The following GRIK3 variants were observed in gnomAD, a reference collection of about 807,000 sequenced individuals.
The protein encoded by GRIK3 is glutamate ionotropic receptor kainate type subunit 3.
GRIK3 carries 29 observed loss-of-function variants against 102.5 expected under a neutral mutation model. The observed-to-expected ratio is 0.28, with a 90% CI of 0.21 to 0.39. GRIK3 has a LOEUF of 0.39. Among genes scored for constraint, GRIK3 ranks in the 10% least tolerant of loss-of-function variants. The probability of loss-of-function intolerance (pLI) is 1.00; values close to 1 mark genes in which losing one functional copy is unlikely to be tolerated. For missense variants in GRIK3, 908 were observed against 1,252.4 expected (o/e 0.73, Z 4.15); for synonymous variants, 511 against 504.9 (o/e 1.01, Z -0.16).
rs554593181 is a variant in GRIK3 at position 37,034,338 on chromosome 1, G to C, written c.-230C>G. Among the ~76,000 whole-genome samples, 820 of 150,190 alleles carry C rather than the reference G, an allele frequency of 5.5e-3. 6 individuals carry two copies. Among genetic ancestry groups the C allele is most frequent in the African/African-American group, 0.018 (738 of 41,204 alleles). ...TGCCGCCCACGGGCTGCCCGCGAGC[G>C]AGGCTCCTGGGCTCCGCCCGGACTC... On this transcript the variant is annotated 5_prime_UTR_variant, in exon 1 of 16. Transcript: ENST00000373091.
chr1:36,876,538 C>T (rs149267438), intron 3 of GRIK3, among the ~76,000 whole-genome samples: 19 of 152,304 alleles, frequency 1.2e-4, no homozygotes, highest in African/African-American at 4.3e-4. Context: ...AGGAAAGGCC[C>T]ATCTCCAGAA....
chr1:36,886,748 G>A (rs992926543), intron 2 of GRIK3, among the ~76,000 whole-genome samples: 8 of 152,200 alleles, frequency 5.3e-5, no homozygotes, highest in African/African-American at 1.9e-4. Flanking sequence ...ATGCACTCAT[G>A]TATGCTACAC....
intron 15 of GRIK3, chr1:36,804,729 C>T: frequency 1.8e-6 from 1 of 551,620 alleles, no homozygotes; most frequent in Non-Finnish European, 3.2e-6. Context: ...AGCATGGAGG[C>T]TGGAGGGCCA....
intron 1 of GRIK3, among the ~76,000 whole-genome samples, chr1:37,012,784 G>A (rs1052121537): frequency 6.6e-6 from 1 of 152,210 alleles, no homozygotes; most frequent in African/African-American, 2.4e-5. Context: ...ATGTGACCTT[G>A]CTGAGCCTCA....
chr1:36,908,530 C>T (rs996803177), intron 1 of GRIK3, among the ~76,000 whole-genome samples: 2 of 152,184 alleles, frequency 1.3e-5, no homozygotes, highest in African/African-American at 4.8e-5. Context: ...TTCCCTGCCC[C>T]GCTGGAGGCT....
At chr1:37,017,120 G>A (rs142424625) in intron 1 of GRIK3, among the ~76,000 whole-genome samples, 2 of 151,872 alleles carry the variant, frequency 1.3e-5, no homozygotes, top group Admixed American at 6.6e-5. Context: ...GACAGCTGAG[G>A]GGGGAGGATC....
intron 2 of GRIK3, among the ~76,000 whole-genome samples, chr1:36,890,498 G>C (rs1211033753): frequency 1.3e-5 from 2 of 151,778 alleles, no homozygotes; most frequent in Non-Finnish European, 2.9e-5. Context: ...AACTGCTCTC[G>C]ATATCAGGGA....
intron 1 of GRIK3, among the ~76,000 whole-genome samples, chr1:36,933,797 T>A (rs1190283414): frequency 6.6e-6 from 1 of 152,188 alleles, no homozygotes; most frequent in Non-Finnish European, 1.5e-5. Context: ...ATGTCCCTTC[T>A]CTATTTCTTC....
At position 36,800,598 on chromosome 1, in the gene GRIK3, G is replaced by C. The variant is rs1642429768; in HGVS notation, c.*1253C>G. The C allele has an allele frequency of 1.3e-5, 2 of 152,230 alleles. No individual in the cohort carries two copies. The highest frequency in any genetic ancestry group is 4.8e-5 in the African/African-American group (2 of 41,448). 9.4% of individuals were successfully genotyped at this position (152,230 alleles called of 1,614,324 possible). A position where few individuals can be genotyped will look rare whatever the true frequency, so the allele number is the denominator to read the frequency against. On this transcript the variant is annotated 3_prime_UTR_variant, in exon 16 of 16. Coordinates refer to ENST00000373091, the MANE Select transcript of GRIK3 (RefSeq NM_000831.4). ...TCTTTGGTTAATTCTCCAGGAGGCA[G>C]CTTCTTCCTCCCCACCCTTGGGGCC...
chr1:36,816,722 G>A (rs1274664829), intron 13 of GRIK3, among the ~76,000 whole-genome samples: 1 of 152,182 alleles, frequency 6.6e-6, no homozygotes, highest in Non-Finnish European at 1.5e-5. Context: ...GAAGCCCCTA[G>A]GGCCTGTGTG....
intron 1 of GRIK3, among the ~76,000 whole-genome samples, chr1:37,001,604 T>C (rs1021260189): frequency 2.6e-5 from 4 of 151,904 alleles, no homozygotes; most frequent in Non-Finnish European, 2.9e-5. Context: ...TGAGTTACTG[T>C]CTTAAAGAAA....
At position 36,870,226 on chromosome 1, in the gene GRIK3, C is replaced by T. The variant is rs552452798; in HGVS notation, c.733-425G>A. 7.9e-5 allele frequency among the ~76,000 whole-genome samples: 12 copies of T among 152,218 alleles called. No homozygotes were observed. The East Asian group carries it at 9.7e-4, about 12-fold the overall frequency. ...TCCTGGATCCAGAGGCAGTACGTTT[C>T]CCCCCAACCCTGCTAACCCCCTGGC... On this transcript the variant is annotated intron_variant, in intron 4 of 15. Coordinates refer to ENST00000373091, the MANE Select transcript of GRIK3 (RefSeq NM_000831.4).
In GRIK3 at chr1:36,801,864, G is replaced by A. The variant is rs779998886; in HGVS notation, c.2747C>T (p.Pro916Leu). 1 of 1,605,988 alleles carries A rather than the reference G, an allele frequency of 6.2e-7. No individual in the cohort carries two copies. The highest frequency in any genetic ancestry group is 8.5e-7 in the Non-Finnish European group (1 of 1,176,114). The stretch of plus-strand genomic sequence containing the variant: ...CCCCAGCTGTGCCTAGGGGAACACA[G>A]GGGCTAAGGATGTGCTGCAGGCCAT... ...DSMACSTSLAPVFP is the reference protein window; with the variant it reads ...DSMACSTSLALVFP The change falls in exon 16 of 16, where the codon CCT (proline) becomes CTT (leucine). Residue 916 changes from proline (P) to leucine (L), a missense_variant. Transcript: ENST00000373091.
chr1:36,966,440 C>G (rs1184580781), intron 1 of GRIK3, among the ~76,000 whole-genome samples: 1 of 152,136 alleles, frequency 6.6e-6, no homozygotes, highest in Non-Finnish European at 1.5e-5. Flanking sequence ...TTTGCCAGGA[C>G]AGAGATGGCT....
rs1025203462 is a variant in GRIK3 at position 36,795,637 on chromosome 1, G to T, written c.*6214C>A. 6.6e-6 allele frequency: 1 copy of T among 152,208 alleles called. No homozygotes were observed. The highest frequency in any genetic ancestry group is 2.4e-5 in the African/African-American group (1 of 41,442). 9.4% of individuals were successfully genotyped at this position (152,208 alleles called of 1,614,324 possible). A position where few individuals can be genotyped will look rare whatever the true frequency, so the allele number is the denominator to read the frequency against. On this transcript the variant is annotated 3_prime_UTR_variant, in exon 16 of 16. Transcript: ENST00000373091. ...CTTAAAAAGGAAAATAATCAGATTT[G>T]TTTGGAAATTTATTTACATCAGCCT...
intron 1 of GRIK3, among the ~76,000 whole-genome samples, chr1:36,893,833 C>G (rs1488595690): frequency 1.3e-5 from 2 of 152,060 alleles, no homozygotes; most frequent in East Asian, 3.8e-4. Flanking sequence ...AGGAAATACC[C>G]ATGATATATT....
At chr1:36,888,728 C>T (rs1470286769) in intron 2 of GRIK3, among the ~76,000 whole-genome samples, 1 of 152,110 alleles carries the variant, frequency 6.6e-6, no homozygotes, top group Non-Finnish European at 1.5e-5. Flanking sequence ...GCATTTTCCA[C>T]TCCACCTTCT....
At chr1:36,830,810 CAAAAAA>C (rs948901521) in intron 10 of GRIK3, among the ~76,000 whole-genome samples, 12,444 of 39,852 alleles carry the variant, frequency 0.31, 337 homozygotes, top group Non-Finnish European at 0.36. Flanking sequence ...GACTCTGTCT[CAAAAAA>C]AAAAAAAAAA....
At chr1:36,966,804 T>C (rs1395081008) in intron 1 of GRIK3, among the ~76,000 whole-genome samples, 1 of 152,068 alleles carries the variant, frequency 6.6e-6, no homozygotes, top group African/African-American at 2.4e-5. Flanking sequence ...TCATATGGAT[T>C]CTGATCTTCA....
Sources: gnomAD v4.1 joint callset for allele counts (sites outside exome capture counted in the v4.1 genomes callset) on GRCh38, gnomAD v4.1.1 for gene constraint, MANE v1.5 for transcripts, NCBI Gene and HGNC (gene_info 2026-07-23, HGNC 2026-07-21) for gene names.